The following ARSD variants were observed in gnomAD, a reference collection of about 807,000 sequenced individuals.
ARSD encodes arylsulfatase D.
A neutral mutation model predicts 32.6 loss-of-function variants in ARSD; 21 were observed. The observed-to-expected ratio is 0.64, with a 90% CI of 0.46 to 0.93. The LOEUF (loss-of-function observed/expected upper bound fraction) is 0.93, where lower values mean the gene tolerates loss of function less well. Ranked by LOEUF, ARSD falls within the 40% of genes least tolerant of loss-of-function variation. The probability of loss-of-function intolerance (pLI) is 0.00; values close to 1 mark genes in which losing one functional copy is unlikely to be tolerated. For missense variants in ARSD, 454 were observed against 520.9 expected (o/e 0.87, Z 1.25); for synonymous variants, 224 against 237.4 (o/e 0.94, Z 0.52).
chrX:2,913,401 TG>T, intron 6 of ARSD: 1 of 487,291 alleles, frequency 2.1e-6, no homozygotes, highest in Non-Finnish European at 2.5e-6. Flanking sequence ...CTTCCCGTTA[TG>T]GCATGAACCA....
At chrX:2,914,159 T>C in intron 6 of ARSD, 7 of 758,106 alleles carry the variant, frequency 9.2e-6, no homozygotes, top group Non-Finnish European at 1.1e-5. Flanking sequence ...AAAATTAGAC[T>C]AAGTAATCAG....
chrX:2,904,806 G>C lies in ARSD; in HGVS notation c.*2465C>G, dbSNP rs1390010086. 5.4e-6 allele frequency: 1 copy of C among 184,738 alleles called. No homozygotes were observed. Among genetic ancestry groups the C allele is most frequent in the Non-Finnish European group, 1.0e-5 (1 of 100,176 alleles). The allele number at this position is 184,738 out of a possible 1,213,427, so 15.2% of individuals were successfully genotyped here. A position where few individuals can be genotyped will look rare whatever the true frequency, so the allele number is the denominator to read the frequency against. On this transcript the variant is annotated 3_prime_UTR_variant, in exon 10 of 10. Coordinates refer to ENST00000381154, the MANE Select transcript of ARSD (RefSeq NM_001669.4). ...GTTGGGATTGTTTGAATGGTTGAGC[G>C]TGAAAGACTTGTTATAATGGGCTTG...
In ARSD at chrX:2,905,038, G is replaced by C. The variant is rs1300852371; in HGVS notation, c.*2233C>G. ...TCCACTCATCTTCTCTTTGGCTTCA[G>C]GTTGAGTTCAGCCAACAGATGCCCC... On this transcript the variant is annotated 3_prime_UTR_variant, in exon 10 of 10. Coordinates refer to ENST00000381154, the MANE Select transcript of ARSD (RefSeq NM_001669.4). 3.0e-6 allele frequency: 1 copy of C among 338,426 alleles called. No individual in the cohort carries two copies. Among genetic ancestry groups the C allele is most frequent in the Non-Finnish European group, 5.9e-6 (1 of 169,448 alleles). The allele number at this position is 338,426 out of a possible 1,213,427, so 27.9% of individuals were successfully genotyped here.
In ARSD at chrX:2,925,720, C is replaced by T. The variant is rs369067320; in HGVS notation, c.90G>A (p.Thr30=). ...AGGCATTTGCAGTTTTAGGTTCACA[C>T]GTCTTCAGAAGCAAGCATAAAAACA... ...VLLFLCLLLK[T]CEPKTANAFK... is the part of the protein sequence containing the mutation. Residue 30 remains threonine (T), a synonymous_variant, in exon 2 of 10, where the codon ACG becomes ACA. Coordinates refer to ENST00000381154, the MANE Select transcript of ARSD (RefSeq NM_001669.4). 2.5e-5 allele frequency: 30 copies of T among 1,208,761 alleles called. No individual in the cohort carries two copies. The highest frequency in any genetic ancestry group is 1.2e-4 in the African/African-American group (7 of 57,069).
In ARSD at chrX:2,929,271, C is replaced by G. The variant is rs1404398290; in HGVS notation, c.5G>C (p.Arg2Pro). 9.8e-7 allele frequency: 1 copy of G among 1,016,348 alleles called. No homozygotes were observed. Among genetic ancestry groups the G allele is most frequent in the East Asian group, 4.1e-5 (1 of 24,465 alleles). The allele number at this position is 1,016,348 out of a possible 1,213,427, so 83.8% of individuals were successfully genotyped here. A position where few individuals can be genotyped will look rare whatever the true frequency, so the allele number is the denominator to read the frequency against. Reference protein sequence around the residue: MRSAARRGRAAP... With the variant: MPSAARRGRAAP... ...GGCGCGTCCCCTCCGCGCGGCGGAT[C>G]GCATGGCCGAGCGCTGGCCCAGAGC... Residue 2 changes from arginine to proline, a missense_variant, in exon 1 of 10, where the codon CGA becomes CCA. Transcript: ENST00000381154.
chrX:2,918,367 G>C (rs1460739164), intron 4 of ARSD, 140 bp from the exon 5 acceptor site: 27 of 561,692 alleles, frequency 4.8e-5, no homozygotes, highest in Non-Finnish European at 6.9e-5. Context: ...GCAATGAATG[G>C]ATTGGATACC....
At chrX:2,909,111 C>A in intron 8 of ARSD, among the ~76,000 whole-genome samples, 1 of 111,649 alleles carries the variant, frequency 9.0e-6, no homozygotes, top group Non-Finnish European at 1.9e-5. Context: ...CACCCCAACA[C>A]ACAGCACTGT....
At chrX:2,916,301 C>A (rs1036062424) in intron 5 of ARSD, among the ~76,000 whole-genome samples, 2 of 109,599 alleles carry the variant, frequency 1.8e-5, no homozygotes, top group African/African-American at 6.6e-5. Flanking sequence ...ACCAGCCTGG[C>A]CAACATGGTG....
chrX:2,928,835 G>A (rs1273724797), intron 1 of ARSD, among the ~76,000 whole-genome samples: 1 of 112,041 alleles, frequency 8.9e-6, no homozygotes, highest in Non-Finnish European at 1.9e-5. Context: ...CCGAATCCGG[G>A]CAGCGGTGTA....
intron 6 of ARSD, among the ~76,000 whole-genome samples, chrX:2,912,536 T>G (rs1232806096): frequency 8.9e-6 from 1 of 111,778 alleles, no homozygotes; most frequent in Non-Finnish European, 1.9e-5. Context: ...TCACTCATAT[T>G]TGGCTCAGAA....
chrX:2,918,085 G>A lies in ARSD; in HGVS notation c.582C>T (p.Ala194=). The A allele has an allele frequency of 8.3e-7, 1 of 1,200,861 alleles. No homozygotes were observed. Among genetic ancestry groups the A allele is most frequent in the Non-Finnish European group, 1.1e-6 (1 of 889,658 alleles). The stretch of plus-strand genomic sequence containing the variant: ...AACCCCAGAGCTGCGCCCTCAGGGC[G>A]GCGTCCACTTCGGGGGGCCTGCCTG... ...CDPGRPPEVD[A]ALRAQLWGYT... The change falls in exon 5 of 10, where the codon GCC becomes GCT. Residue 194 remains alanine (A), a synonymous_variant. Coordinates refer to ENST00000381154, the MANE Select transcript of ARSD (RefSeq NM_001669.4).
intron 3 of ARSD, 126 bp from the exon 4 acceptor site, chrX:2,920,849 C>A: frequency 1.2e-6 from 1 of 866,470 alleles, no homozygotes; most frequent in Admixed American, 3.2e-5. Flanking sequence ...TATCTATCAT[C>A]CATCTATCAT....
Position 2,918,037 on chromosome X carries a change from C to A in ARSD, c.630G>T (p.Gly210=), listed in dbSNP as rs144037683. 1.8e-4 allele frequency: 221 copies of A among 1,202,851 alleles called. No homozygotes were observed. Among genetic ancestry groups the A allele is most frequent in the Non-Finnish European group, 2.4e-4 (210 of 891,250 alleles). Residue 210 remains glycine (G), a synonymous_variant, in exon 5 of 10, where the codon GGG becomes GGT. Transcript: ENST00000381154. Reference sequence around the variant, plus strand: ...TCTGGCCGGCAGCCAGGGTGAGAATCCCCAGCGCCAGGAACTGGGTGTAAC... The same window carrying A: ...TCTGGCCGGCAGCCAGGGTGAGAATACCCAGCGCCAGGAACTGGGTGTAAC... ...LWGYTQFLAL[G]ILTLAAGQTC...
rs1292497526 is a variant in ARSD, at chrX:2,904,096, T to C, written c.*3175A>G. 1 of 111,679 alleles carries C rather than the reference T, an allele frequency of 9.0e-6. No individual in the cohort carries two copies. Among genetic ancestry groups the C allele is most frequent in the Non-Finnish European group, 1.9e-5 (1 of 53,202 alleles). The allele number at this position is 111,679 out of a possible 1,213,427, so 9.2% of individuals were successfully genotyped here. ...GTCCACAGGTACCTACCCCCTGGACTGCAGCAACTTTATTACCTTAACTAG... is the reference window on the plus strand; with the variant it reads ...GTCCACAGGTACCTACCCCCTGGACCGCAGCAACTTTATTACCTTAACTAG... On this transcript the variant is annotated 3_prime_UTR_variant, in exon 10 of 10. Coordinates refer to ENST00000381154, the MANE Select transcript of ARSD (RefSeq NM_001669.4).
intron 7 of ARSD, 94 bp from the exon 8 acceptor site, chrX:2,910,073 C>A: frequency 9.2e-7 from 1 of 1,087,076 alleles, no homozygotes; most frequent in Non-Finnish European, 1.2e-6. Flanking sequence ...TGAATACGCA[C>A]AGCCACCCGG....
Position 2,915,654 on chromosome X carries a change from A to G in ARSD, c.902T>C (p.Leu301Pro). 1.7e-6 allele frequency: 2 copies of G among 1,211,459 alleles called. No homozygotes were observed. The highest frequency in any genetic ancestry group is 2.2e-6 in the Non-Finnish European group (2 of 895,196). Residue 301 changes from leucine (L) to proline (P), a missense_variant, in exon 6 of 10, where the codon CTG becomes CCG. Leu to Pro is a moderately conservative substitution (Grantham distance 98). Coordinates refer to ENST00000381154, the MANE Select transcript of ARSD (RefSeq NM_001669.4). ...HGPFLLFLSL[L>P]HVHIPLVTTS... is the part of the protein sequence containing the mutation. ...GGTCACAAGGGGAATGTGCACATGC[A>G]GCAAAGAAAGGAAGAGGAGAAATGG...
intron 9 of ARSD, among the ~76,000 whole-genome samples, 187 bp downstream of exon 9, chrX:2,908,534 T>TC (rs369116749): frequency 0.038 from 3,176 of 84,009 alleles, 186 homozygotes; most frequent in African/African-American, 0.12. Flanking sequence ...TCTCTCTCTC[T>TC]CCCCCCCCCA....
At chrX:2,921,805 T>C (rs759981390) in intron 3 of ARSD, 98 bp downstream of exon 3, 411 of 1,011,245 alleles carry the variant, frequency 4.1e-4, no homozygotes, top group Non-Finnish European at 5.0e-4. Flanking sequence ...CTTTGTACCA[T>C]TGCCCCTGTA....
chrX:2,907,251 C>T lies in ARSD; in HGVS notation c.*20G>A, dbSNP rs1428712349. ...CAACGCAGTCAGGCTCTCCTGGATC[C>T]TCTCTCACAGTCCTGGCATTCAGGG... On this transcript the variant is annotated 3_prime_UTR_variant, in exon 10 of 10. Transcript: ENST00000381154. 8.4e-7 allele frequency: 1 copy of T among 1,187,462 alleles called. No homozygotes were observed. The highest frequency in any genetic ancestry group is 1.1e-6 in the Non-Finnish European group (1 of 880,408).
Sources: gnomAD v4.1 joint callset for allele counts (sites outside exome capture counted in the v4.1 genomes callset) on GRCh38, gnomAD v4.1.1 for gene constraint, MANE v1.5 for transcripts, NCBI Gene and HGNC (gene_info 2026-07-23, HGNC 2026-07-21) for gene names.